The following GRM1 variants were observed in gnomAD, a reference collection of about 807,000 sequenced individuals.
GRM1 encodes the protein glutamate metabotropic receptor 1.
GRM1 carries 33 observed loss-of-function variants against 90.9 expected under a neutral mutation model. The ratio of observed to expected loss-of-function variants is 0.36; its 90% confidence interval spans 0.28 to 0.49. GRM1 has a LOEUF of 0.49. Among genes scored for constraint, GRM1 ranks in the 20% least tolerant of loss-of-function variants. The pLI is 0.99. For missense variants in GRM1, 1,190 were observed against 1,534.3 expected (o/e 0.78, Z 3.75); for synonymous variants, 700 against 613.2 (o/e 1.14, Z -2.09).
chr6:146,376,373 T>A (rs1776098472), intron 5 of GRM1, among the ~76,000 whole-genome samples: 1 of 152,170 alleles, frequency 6.6e-6, no homozygotes, highest in Non-Finnish European at 1.5e-5. Flanking sequence ...GCGAATTTTG[T>A]ACCTTGAGGT....
rs961787798 is a variant in GRM1 at position 146,350,087 on chromosome 6, T to C, written c.1187-2163T>C. On this transcript the variant is annotated intron_variant, in intron 3 of 7. Coordinates refer to ENST00000282753, the MANE Select transcript of GRM1 (RefSeq NM_001278064.2). ...GTTCTATGATCACCCTAAATGAGGA[T>C]CAAAAGGAAAAGACTGATCTCACAG... Among the ~76,000 whole-genome samples the C allele has an allele frequency of 1.1e-4, 16 of 152,272 alleles. No individual in the cohort carries two copies. The South Asian group carries it at 3.1e-3, about 30-fold the overall frequency.
In GRM1 at chr6:146,094,455, A is replaced by G. The variant is rs1335405921; in HGVS notation, c.700+64238A>G. On this transcript the variant is annotated intron_variant, in intron 1 of 7. Coordinates refer to ENST00000282753, the MANE Select transcript of GRM1 (RefSeq NM_001278064.2). The stretch of plus-strand genomic sequence containing the variant: ...GCATTTCTATGCCATATGTTCTGGA[A>G]TCAATCACAAAATATTATCTTTGCA... Among the ~76,000 whole-genome samples the G allele has an allele frequency of 7.9e-5, 12 of 152,146 alleles. No individual in the cohort carries two copies. The East Asian group carries it at 2.3e-3, about 29-fold the overall frequency.
intron 5 of GRM1, among the ~76,000 whole-genome samples, chr6:146,378,620 G>A (rs552650945): frequency 6.6e-6 from 1 of 152,278 alleles, no homozygotes; most frequent in South Asian, 2.1e-4. Flanking sequence ...ATTGTATCTA[G>A]CATTGTGTCT....
intron 1 of GRM1, among the ~76,000 whole-genome samples, chr6:146,140,327 T>C (rs550817982): frequency 6.6e-6 from 1 of 152,072 alleles, no homozygotes; most frequent in Admixed American, 6.5e-5. Flanking sequence ...TGGAGTGCAG[T>C]GCACGATCTC....
rs773860565 is a variant in GRM1, at chr6:146,273,510, C to T, written c.951-31101C>T. On this transcript the variant is annotated intron_variant, in intron 2 of 7. Coordinates refer to ENST00000282753, the MANE Select transcript of GRM1 (RefSeq NM_001278064.2). ...CTACTCCCTAGGTGTCCTAAAATCT[C>T]AGCTAAATGTTTTGAAATCTGGCCA... is the stretch of plus-strand genomic sequence containing the variant. Among the ~76,000 whole-genome samples the T allele has an allele frequency of 2.0e-5, 3 of 152,176 alleles. 1 individual carries two copies. Among genetic ancestry groups the T allele is most frequent in the African/African-American group, 7.2e-5 (3 of 41,456 alleles).
chr6:146,081,807 C>T (rs1268369403), intron 1 of GRM1, among the ~76,000 whole-genome samples: 1 of 152,138 alleles, frequency 6.6e-6, no homozygotes, highest in Non-Finnish European at 1.5e-5. Flanking sequence ...GAGTGGCAAA[C>T]ATATGAATCC....
intron 1 of GRM1, among the ~76,000 whole-genome samples, chr6:146,113,629 G>T (rs1011503422): frequency 2.0e-5 from 3 of 152,096 alleles, no homozygotes; most frequent in Non-Finnish European, 1.5e-5. Context: ...TTTACTGAAG[G>T]TCACTCAGTG....
intron 1 of GRM1, among the ~76,000 whole-genome samples, chr6:146,138,388 G>C (rs768506140): frequency 6.6e-6 from 1 of 152,010 alleles, no homozygotes; most frequent in African/African-American, 2.4e-5. Flanking sequence ...TTCATCAAAT[G>C]CTTTTTCAGC....
chr6:146,101,695 A>G (rs988230949), intron 1 of GRM1, among the ~76,000 whole-genome samples: 2 of 152,060 alleles, frequency 1.3e-5, no homozygotes, highest in Non-Finnish European at 2.9e-5. Context: ...CTATAATGCT[A>G]AAAGTATTAA....
chr6:146,200,977 A>G (rs999548293), intron 2 of GRM1, among the ~76,000 whole-genome samples: 1 of 152,160 alleles, frequency 6.6e-6, no homozygotes, highest in Non-Finnish European at 1.5e-5. Flanking sequence ...ATAGGGAAAC[A>G]TGAGATTCCC....
intron 5 of GRM1, among the ~76,000 whole-genome samples, chr6:146,374,878 G>T (rs1327713253): frequency 1.3e-5 from 2 of 151,534 alleles, no homozygotes; most frequent in Admixed American, 1.3e-4. Context: ...TTTCTATTCT[G>T]ATCTTCATTA....
intron 2 of GRM1, among the ~76,000 whole-genome samples, chr6:146,210,952 G>T (rs966911619): frequency 1.3e-4 from 20 of 151,844 alleles, no homozygotes; most frequent in African/African-American, 4.8e-4. Flanking sequence ...TAAGCATATG[G>T]GTAAAATAGA....
chr6:146,207,702 G>A (rs1470802845), intron 2 of GRM1, among the ~76,000 whole-genome samples: 1 of 152,134 alleles, frequency 6.6e-6, no homozygotes, highest in Admixed American at 6.5e-5. Context: ...GCAACTAAAA[G>A]TATAGAAAGA....
chr6:146,182,037 C>G (rs773455194), intron 2 of GRM1, among the ~76,000 whole-genome samples: 7 of 152,038 alleles, frequency 4.6e-5, no homozygotes, highest in Non-Finnish European at 1.0e-4. Flanking sequence ...AAGGTTATGT[C>G]AAACATTTCC....
chr6:146,186,351 A>C (rs1778732034), intron 2 of GRM1, among the ~76,000 whole-genome samples: 1 of 152,000 alleles, frequency 6.6e-6, no homozygotes, highest in South Asian at 2.1e-4. Context: ...AAAGACTATG[A>C]ATTTTACATT....
At chr6:146,226,625 G>A (rs943623261) in intron 2 of GRM1, among the ~76,000 whole-genome samples, 1 of 152,142 alleles carries the variant, frequency 6.6e-6, no homozygotes, top group African/African-American at 2.4e-5. Context: ...CCAAAGGCAT[G>A]TGAGTGGTCT....
Position 146,039,146 on chromosome 6 carries a change from G to T in GRM1, c.700+8929G>T, listed in dbSNP as rs75567080. 4.0e-3 allele frequency among the ~76,000 whole-genome samples: 608 copies of T among 152,038 alleles called. 18 individuals carry two copies. The East Asian group carries it at 0.071, about 18-fold the overall frequency. ...TTCCTTTTAAGAAGTTCACCACATG[G>T]TGATTACTATTCAGTTTTGCTAAGT... On this transcript the variant is annotated intron_variant, in intron 1 of 7. Transcript: ENST00000282753.
intron 2 of GRM1, among the ~76,000 whole-genome samples, chr6:146,200,400 C>T (rs995248933): frequency 4.6e-5 from 7 of 152,136 alleles, no homozygotes; most frequent in Non-Finnish European, 1.0e-4. Flanking sequence ...AGAGATTGTT[C>T]CCATGATCTC....
chr6:146,269,146 C>G (rs1420860728), intron 2 of GRM1, among the ~76,000 whole-genome samples: 3 of 152,158 alleles, frequency 2.0e-5, no homozygotes, highest in Non-Finnish European at 4.4e-5. Flanking sequence ...TCTTCTGAAG[C>G]AAACCAGGTG....
Sources: allele counts gnomAD v4.1 joint callset (sites outside exome capture counted in the v4.1 genomes callset), GRCh38; gene constraint gnomAD v4.1.1; transcripts MANE v1.5; gene names NCBI Gene and HGNC (gene_info 2026-07-23, HGNC 2026-07-21).